Variants in KIAA1549 observed in about 807,000 individuals in gnomAD.
KIAA1549 encodes KIAA1549.
A neutral mutation model predicts 156.4 loss-of-function variants in KIAA1549; 70 were observed. The observed-to-expected ratio is 0.45, with a 90% CI of 0.37 to 0.55. The LOEUF (loss-of-function observed/expected upper bound fraction) is 0.55. Ranked by LOEUF, KIAA1549 falls within the 20% of genes least tolerant of loss-of-function variation. The pLI, the probability that KIAA1549 is intolerant of heterozygous loss-of-function variation, is 0.00. For synonymous variants in KIAA1549, 1,103 were observed against 1,066.4 expected (o/e 1.03, Z -0.67); for missense variants, 2,428 against 2,540.9 (o/e 0.96, Z 0.96).
At chr7:138,971,177 C>G (rs904013057) in intron 1 of KIAA1549, among the ~76,000 whole-genome samples, 7 of 152,220 alleles carry the variant, frequency 4.6e-5, no homozygotes, top group Non-Finnish European at 1.0e-4. Flanking sequence ...CCAACTTCAA[C>G]TGGGCCCTTG....
chr7:138,920,743 TAAC>T (rs1229642329), intron 1 of KIAA1549, among the ~76,000 whole-genome samples: 5 of 152,328 alleles, frequency 3.3e-5, no homozygotes, highest in Admixed American at 6.5e-5. Flanking sequence ...TCAAAATGCA[TAAC>T]AACACCTCGT....
chr7:138,939,574 C>T (rs1813113806), intron 1 of KIAA1549, among the ~76,000 whole-genome samples: 2 of 152,148 alleles, frequency 1.3e-5, no homozygotes, highest in South Asian at 4.1e-4. Context: ...GTAGTTAGAT[C>T]AAGAGGCTTC....
rs565142164 is a variant in KIAA1549 at position 138,871,343 on chromosome 7, C to T, written c.4365G>A (p.Ser1455=). 2.9e-5 allele frequency: 45 copies of T among 1,558,052 alleles called. No individual in the cohort carries two copies. The African/African-American group carries it at 4.1e-4, about 14-fold the overall frequency. ...AGGCTGATGAGTGCTGCTCATTTCC[C>T]GAACTGGGCAGTGGTGGCCCTGGAA... is the stretch of plus-strand genomic sequence containing the variant. ...APQSGPPLPS[S]GNEQHSSASI... The change falls in exon 13 of 20, where the codon TCG becomes TCA. Residue 1455 remains serine, a synonymous_variant. Coordinates refer to ENST00000422774, the MANE Select transcript of KIAA1549 (RefSeq NM_001164665.2).
At chr7:138,869,072 G>A (rs1182219792) in intron 14 of KIAA1549, among the ~76,000 whole-genome samples, 1 of 152,244 alleles carries the variant, frequency 6.6e-6, no homozygotes, top group Admixed American at 6.5e-5. Context: ...AGACCCTGCA[G>A]GCAGCTGTGA....
intron 1 of KIAA1549, among the ~76,000 whole-genome samples, chr7:138,943,835 T>C (rs952808317): frequency 4.6e-5 from 7 of 150,636 alleles, no homozygotes; most frequent in Admixed American, 2.0e-4. Context: ...GGCGACAGAG[T>C]GAGACTCCAT....
rs755559235 is a variant in KIAA1549 at position 138,907,109 on chromosome 7, G to A, written c.3277-7C>T. 5.7e-6 allele frequency: 9 copies of A among 1,566,832 alleles called. No homozygotes were observed. The East Asian group carries it at 1.4e-4, about 24-fold the overall frequency. Reference sequence around the variant, plus strand: ...TGATGGTGATATTCAAGATCTGAAAGAATAAAGTCAGAATAAGCTTCTATA... The same window carrying A: ...TGATGGTGATATTCAAGATCTGAAAAAATAAAGTCAGAATAAGCTTCTATA... On this transcript the variant is annotated splice_region_variant and splice_polypyrimidine_tract_variant and intron_variant, in intron 5 of 19. Transcript: ENST00000422774.
chr7:138,955,364 T>A (rs546654972), intron 1 of KIAA1549, among the ~76,000 whole-genome samples: 1 of 152,276 alleles, frequency 6.6e-6, no homozygotes, highest in South Asian at 2.1e-4. Context: ...GAGGTCATTA[T>A]GCAAAGGCAC....
At chr7:138,927,488 A>G (rs1812753841) in intron 1 of KIAA1549, among the ~76,000 whole-genome samples, 1 of 152,228 alleles carries the variant, frequency 6.6e-6, no homozygotes, top group African/African-American at 2.4e-5. Flanking sequence ...AAATACAAAA[A>G]TTAGCTGCGT....
intron 2 of KIAA1549, among the ~76,000 whole-genome samples, chr7:138,914,382 T>A (rs371882485): frequency 5.9e-5 from 9 of 152,186 alleles, no homozygotes; most frequent in African/African-American, 2.2e-4. Context: ...TGACAGAGAC[T>A]TCCAGAGGCA....
chr7:138,916,637 AG>A, intron 2 of KIAA1549, 110 bp downstream of exon 2: 2 of 1,493,936 alleles, frequency 1.3e-6, no homozygotes, highest in Non-Finnish European at 1.8e-6. Context: ...GAGTTAACTG[AG>A]CCCAGCGCCT....
intron 1 of KIAA1549, among the ~76,000 whole-genome samples, chr7:138,939,081 G>A (rs1813100406): frequency 6.6e-6 from 1 of 152,098 alleles, no homozygotes; most frequent in African/African-American, 2.4e-5. Flanking sequence ...TTGAAAGACT[G>A]GAACCCATTA....
At chr7:138,903,470 T>G in intron 8 of KIAA1549, 118 bp downstream of exon 8, 9 of 1,073,542 alleles carry the variant, frequency 8.4e-6, no homozygotes, top group Non-Finnish European at 9.1e-6. Flanking sequence ...AATCAGAAAT[T>G]TCTCATGGCA....
Position 138,874,423 on chromosome 7 carries a change from T to C in KIAA1549, c.4346-3061A>G, listed in dbSNP as rs1038979710. Among the ~76,000 whole-genome samples, 4 of 152,350 alleles carry C rather than the reference T, an allele frequency of 2.6e-5. No individual in the cohort carries two copies. In the East Asian group the frequency reaches 7.7e-4, roughly 29 times the overall value. ...CACAAAAAATAAGTATGTGAGGTAA[T>C]GTATATGTTAAATAGCTTGATTTAG... On this transcript the variant is annotated intron_variant, in intron 12 of 19. Transcript: ENST00000422774.
intron 15 of KIAA1549, among the ~76,000 whole-genome samples, chr7:138,864,241 A>G (rs2130372036): frequency 6.6e-6 from 1 of 152,352 alleles, no homozygotes; most frequent in East Asian, 1.9e-4. Flanking sequence ...ACGATCTCAG[A>G]CATTTGAGCA....
At chr7:138,904,471 A>C (rs982528792) in intron 7 of KIAA1549, among the ~76,000 whole-genome samples, 2 of 152,108 alleles carry the variant, frequency 1.3e-5, no homozygotes. Flanking sequence ...ACTACCCCAC[A>C]TGCTCTCTCG....
chr7:138,897,059 T>G (rs1157096423), intron 9 of KIAA1549, among the ~76,000 whole-genome samples: 10 of 151,996 alleles, frequency 6.6e-5, no homozygotes, highest in Non-Finnish European at 4.4e-5. Flanking sequence ...ACCCACGTGG[T>G]TTTCGGTACA....
chr7:138,961,093 G>A (rs1031966118), intron 1 of KIAA1549, among the ~76,000 whole-genome samples: 23 of 152,214 alleles, frequency 1.5e-4, no homozygotes, highest in Admixed American at 6.5e-5. Flanking sequence ...TTGGATCCGG[G>A]TGACGGCCAA....
rs1392471544 is a variant in KIAA1549, at chr7:138,847,384, G to A, written c.5295-2910C>T. 2.0e-5 allele frequency among the ~76,000 whole-genome samples: 3 copies of A among 152,274 alleles called. No homozygotes were observed. In the East Asian group the frequency reaches 5.8e-4, roughly 29 times the overall value. On this transcript the variant is annotated intron_variant, in intron 17 of 19. Transcript: ENST00000422774. ...CTGCTTTTGGATCACAAAGCTGTGT[G>A]GTAGGGGAGGAAGGGCGGAGAAAAG...
chr7:138,858,101 T>C (rs1357342744), intron 16 of KIAA1549, among the ~76,000 whole-genome samples: 1 of 152,178 alleles, frequency 6.6e-6, no homozygotes, highest in Non-Finnish European at 1.5e-5. Context: ...CTGTGCTTTA[T>C]TGCTTTTCAT....
Sources: allele counts gnomAD v4.1 joint callset (sites outside exome capture counted in the v4.1 genomes callset), GRCh38; gene constraint gnomAD v4.1.1; transcripts MANE v1.5; gene names NCBI Gene and HGNC (gene_info 2026-07-23, HGNC 2026-07-21).